Variants in TRAK1 observed in about 807,000 individuals in gnomAD.
TRAK1 encodes the protein trafficking kinesin protein 1.
In TRAK1, 33 loss-of-function variants were observed where a neutral mutation model predicts 92.1. The ratio of observed to expected loss-of-function variants is 0.36; its 90% CI spans 0.27 to 0.48. The LOEUF is 0.48. Ranked by LOEUF, TRAK1 falls within the 20% of genes least tolerant of loss-of-function variation. The pLI is 0.99. For missense variants in TRAK1, 1,123 were observed against 1,257.9 expected (o/e 0.89, Z 1.62); for synonymous variants, 521 against 517.3 (o/e 1.01, Z -0.10).
At chr3:42,067,594 AT>A (rs535838089) in intron 1 of TRAK1, among the ~76,000 whole-genome samples, 303 of 145,644 alleles carry the variant, frequency 2.1e-3, no homozygotes, top group Middle Eastern at 3.5e-3. Context: ...CTTAGATGAG[AT>A]TTTTTTTTTT....
chr3:42,014,782 A>T (rs1227864030), intron 1 of TRAK1, among the ~76,000 whole-genome samples: 4 of 148,904 alleles, frequency 2.7e-5, no homozygotes, highest in African/African-American at 7.4e-5. Context: ...GAGAGCCTTC[A>T]GAGTATTCGT....
intron 2 of TRAK1, among the ~76,000 whole-genome samples, chr3:42,171,201 A>C (rs1032458746): frequency 5.3e-5 from 8 of 152,016 alleles, no homozygotes; most frequent in Non-Finnish European, 1.0e-4. Context: ...TTTTATATGT[A>C]CACACATATG....
chr3:42,041,785 G>GTTTT (rs530723218), intron 1 of TRAK1, among the ~76,000 whole-genome samples: 11 of 133,818 alleles, frequency 8.2e-5, no homozygotes, highest in Non-Finnish European at 7.7e-5. Flanking sequence ...TATTTCTATT[G>GTTTT]TTTTTTTTTT....
At chr3:42,059,020 G>T (rs376655243) in intron 1 of TRAK1, among the ~76,000 whole-genome samples, 1 of 152,036 alleles carries the variant, frequency 6.6e-6, no homozygotes, top group Admixed American at 6.5e-5. Flanking sequence ...ATGCATGCGT[G>T]TATATATTTG....
At chr3:42,115,707 G>T (rs1277036520) in intron 1 of TRAK1, among the ~76,000 whole-genome samples, 12 of 152,146 alleles carry the variant, frequency 7.9e-5, no homozygotes, top group South Asian at 4.1e-4. Flanking sequence ...TCCTATGAGG[G>T]TTTCTCTGCT....
Position 42,029,980 on chromosome 3 carries a change from G to A in TRAK1, c.-519+15863G>A, listed in dbSNP as rs142715973. Among the ~76,000 whole-genome samples the A allele has an allele frequency of 5.3e-5, 8 of 152,222 alleles. No homozygotes were observed. The East Asian group carries it at 1.5e-3, about 29-fold the overall frequency. ...GGGAGAAGGAGAGTGGTAGAAGGTG[G>A]CATTTCAAGGCAGTGGAAGGATGTG... On this transcript the variant is annotated intron_variant, in intron 1 of 16. Coordinates refer to the TRAK1 transcript ENST00000487159.
chr3:42,125,659 G>C (rs762694351), intron 2 of TRAK1, 45 bp downstream of exon 2: 2 of 1,596,120 alleles, frequency 1.3e-6, no homozygotes, highest in Non-Finnish European at 1.7e-6. Flanking sequence ...ATCATGATCA[G>C]GTCTTCTTAG....
chr3:42,151,813 T>C (rs1418332982), intron 2 of TRAK1, among the ~76,000 whole-genome samples: 1 of 152,256 alleles, frequency 6.6e-6, no homozygotes, highest in Non-Finnish European at 1.5e-5. Context: ...GTCTTTTTTA[T>C]TGCAACTCAA....
Position 42,075,841 on chromosome 3 carries a change from ATTTTATT to A in TRAK1, c.-518-11251_-518-11245del, listed in dbSNP as rs554318945. On this transcript the variant is annotated intron_variant, in intron 1 of 16. Transcript: ENST00000487159. Reference sequence around the variant, plus strand: ...TTTGCCCATTTTTAAAATTTTTAAAATTTTATTTTTTATTTTTTTGAGACAGAGTCTT... The same window carrying A: ...TTTGCCCATTTTTAAAATTTTTAAAATTTTATTTTTTTGAGACAGAGTCTT... 1.1e-3 allele frequency among the ~76,000 whole-genome samples: 160 copies of A among 152,054 alleles called. 1 individual carries two copies. Among genetic ancestry groups the A allele is most frequent in the African/African-American group, 3.5e-3 (146 of 41,492 alleles).
intron 2 of TRAK1, among the ~76,000 whole-genome samples, chr3:42,162,806 C>G (rs1701418319): frequency 6.6e-6 from 1 of 152,138 alleles, no homozygotes; most frequent in Non-Finnish European, 1.5e-5. Flanking sequence ...AGTTTATAGG[C>G]CTAGGTCTTA....
At chr3:42,020,251 CGCATTGAACCTTTAATTATCTTA>C (rs1258691457) in intron 1 of TRAK1, among the ~76,000 whole-genome samples, 1 of 152,220 alleles carries the variant, frequency 6.6e-6, no homozygotes, top group Non-Finnish European at 1.5e-5. Flanking sequence ...TAATTTCTTA[CGCATTGAACCTTTAATTATCTTA>C]GCTCCATTAA....
intron 1 of TRAK1, among the ~76,000 whole-genome samples, chr3:42,024,297 A>G (rs934031929): frequency 6.6e-6 from 1 of 152,226 alleles, no homozygotes; most frequent in African/African-American, 2.4e-5. Flanking sequence ...TGAGAGGCCA[A>G]GTGAGATAGA....
intron 1 of TRAK1, among the ~76,000 whole-genome samples, chr3:42,066,215 AT>A (rs1009103261): frequency 1.3e-5 from 2 of 152,162 alleles, no homozygotes; most frequent in Non-Finnish European, 2.9e-5. Context: ...AGCCCCAGCT[AT>A]TTGGGAGGCT....
intron 1 of TRAK1, among the ~76,000 whole-genome samples, chr3:42,095,625 G>C (rs1325199667): frequency 6.6e-6 from 1 of 152,100 alleles, no homozygotes; most frequent in Non-Finnish European, 1.5e-5. Flanking sequence ...TGCATTGTAA[G>C]ATGATTAACC....
intron 2 of TRAK1, among the ~76,000 whole-genome samples, chr3:42,153,150 C>A (rs1346242734): frequency 6.6e-6 from 1 of 152,046 alleles, no homozygotes. Flanking sequence ...TGCCTGTAAG[C>A]CCAGCATTTT....
intron 1 of TRAK1, among the ~76,000 whole-genome samples, chr3:42,029,201 G>T (rs927250458): frequency 6.6e-5 from 10 of 152,168 alleles, no homozygotes; most frequent in Non-Finnish European, 1.3e-4. Flanking sequence ...CCCACCTCCA[G>T]CATTGGGGAT....
rs371911495 is a variant in TRAK1 at position 42,149,642 on chromosome 3, T to A, written c.286+24028T>A. ...AAAACAGAGCCGGGATGTATAGGGG[T>A]ATTGTCTCCTTCTGGGTGGGGGGTG... is the stretch of plus-strand genomic sequence containing the variant. On this transcript the variant is annotated intron_variant, in intron 2 of 15. Transcript: ENST00000327628. The A allele has an allele frequency of 1.1e-4, 172 of 1,535,344 alleles. 2 individuals carry two copies. In the East Asian group the frequency reaches 3.5e-3, roughly 31 times the overall value.
chr3:42,202,997 A>G lies in TRAK1; in HGVS notation c.1744+245A>G. Reference sequence around the variant, plus strand: ...TGAAACTCGCCGAGGAAAGACAAGCATGTGCACTGTGGTCTTCTAGTTCTT... The same window carrying G: ...TGAAACTCGCCGAGGAAAGACAAGCGTGTGCACTGTGGTCTTCTAGTTCTT... On this transcript the variant is annotated intron_variant, in intron 13 of 15. Coordinates refer to ENST00000327628, the MANE Select transcript of TRAK1 (RefSeq NM_001042646.3). The surrounding 1 kb of genome is among the most constrained non-coding windows in gnomAD (Gnocchi z 6.1). The G allele has an allele frequency of 7.5e-7, 1 of 1,328,596 alleles. No individual in the cohort carries two copies. Among genetic ancestry groups the G allele is most frequent in the Non-Finnish European group, 9.6e-7 (1 of 1,038,572 alleles). 82.3% of individuals were successfully genotyped at this position (1,328,596 alleles called of 1,614,324 possible).
chr3:42,158,403 G>A (rs1700809201), intron 2 of TRAK1, among the ~76,000 whole-genome samples: 1 of 152,086 alleles, frequency 6.6e-6, no homozygotes, highest in African/African-American at 2.4e-5. Context: ...ATAACCATTT[G>A]TGTCATTCAC....
Sources: gnomAD v4.1 joint callset for allele counts (sites outside exome capture counted in the v4.1 genomes callset) on GRCh38, gnomAD v4.1.1 for gene constraint, Gnocchi (gnomAD v3.1) non-coding constraint, MANE v1.5 for transcripts, NCBI Gene and HGNC (gene_info 2026-07-23, HGNC 2026-07-21) for gene names.